The following NDUFA10 variants were observed in gnomAD, a reference collection of about 807,000 sequenced individuals.
NDUFA10 encodes NADH:ubiquinone oxidoreductase subunit A10.
In NDUFA10, 40 loss-of-function variants were observed where a neutral mutation model predicts 47.8. That is an observed-to-expected ratio of 0.84 (90% CI 0.65 to 1.09). The LOEUF (loss-of-function observed/expected upper bound fraction) is 1.09, where lower values mean the gene tolerates loss of function less well. NDUFA10 is among the 50% of genes least tolerant of loss of function. The pLI, the probability that NDUFA10 is intolerant of heterozygous loss-of-function variation, is 0.00. For missense variants in NDUFA10, 413 were observed against 451.1 expected, an observed-to-expected ratio of 0.92 and a Z score of 0.76; for synonymous variants, 183 against 172.2, an observed-to-expected ratio of 1.06 and a Z score of -0.49.
chr2:240,001,251 A>C (rs1001109069), intron 8 of NDUFA10, among the ~76,000 whole-genome samples: 1 of 152,282 alleles, frequency 6.6e-6, no homozygotes, highest in Non-Finnish European at 1.5e-5. Flanking sequence ...GATCAGAAAA[A>C]TACTACTTAA....
In NDUFA10 at chr2:239,961,224, GTGAA is replaced by G. The variant is rs1694841904; in HGVS notation, c.1000-42_1000-39del. 1.4e-5 allele frequency: 22 copies of G among 1,613,786 alleles called. No individual in the cohort carries two copies. In the East Asian group the frequency reaches 4.9e-4, roughly 36 times the overall value. ...AAGGCATTGGTGCATTCTGTTTAAC[GTGAA>G]TGAATGTTTCCCCAGCTCATAGTTC... On this transcript the variant is annotated intron_variant, in intron 9 of 9. Transcript: ENST00000252711.
At chr2:240,014,598 C>A in intron 5 of NDUFA10, 141 bp downstream of exon 5, 1 of 1,364,862 alleles carries the variant, frequency 7.3e-7, no homozygotes, top group Non-Finnish European at 1.0e-6. Flanking sequence ...CAGATGCCCT[C>A]TCTCAAGTGG....
intron 1 of NDUFA10, among the ~76,000 whole-genome samples, chr2:240,024,754 T>C (rs949620546): frequency 6.6e-6 from 1 of 152,100 alleles, no homozygotes; most frequent in Non-Finnish European, 1.5e-5. Context: ...GGGGGCAAAA[T>C]GCTAAGAAAT....
At chr2:239,910,100 C>T (rs1025906027) in intron 4 of NDUFA10, among the ~76,000 whole-genome samples, 2 of 152,144 alleles carry the variant, frequency 1.3e-5, no homozygotes, top group African/African-American at 4.8e-5. Context: ...AAAAGGAATG[C>T]TTTGACACTG....
intron 4 of NDUFA10, among the ~76,000 whole-genome samples, chr2:239,916,254 A>G (rs1400977891): frequency 1.3e-5 from 2 of 150,248 alleles, no homozygotes; most frequent in Non-Finnish European, 3.0e-5. Context: ...ACAGAGATAC[A>G]CACACACACA....
At chr2:239,903,183 C>G (rs949157984) in intron 4 of NDUFA10, among the ~76,000 whole-genome samples, 1 of 152,170 alleles carries the variant, frequency 6.6e-6, no homozygotes, top group African/African-American at 2.4e-5. Context: ...CACAGGGCAG[C>G]TGGTGAGACG....
chr2:239,993,755 C>T (rs773433536), intron 8 of NDUFA10, among the ~76,000 whole-genome samples: 68 of 152,126 alleles, frequency 4.5e-4, no homozygotes, highest in Non-Finnish European at 7.2e-4. Context: ...AGAGAAGTCA[C>T]TGAAAGTGGC....
rs779305936 is a variant in NDUFA10 at position 240,005,266 on chromosome 2, G to T, written c.834C>A (p.Phe278Leu). The T allele has an allele frequency of 3.7e-6, 6 of 1,613,980 alleles. No homozygotes were observed. Among genetic ancestry groups the T allele is most frequent in the Middle Eastern group, 1.6e-4 (1 of 6,062 alleles). The change falls in exon 8 of 10, where the codon TTC (phenylalanine) becomes TTA (leucine). Residue 278 changes from phenylalanine (F) to leucine (L), a missense_variant. Transcript: ENST00000252711. ...CCTGCTTGAGCCACGGCCCTTTATCGAACTTCAGGTATTCAATGTCCTCTA... is the reference window on the plus strand; with the variant it reads ...CCTGCTTGAGCCACGGCCCTTTATCTAACTTCAGGTATTCAATGTCCTCTA... ...KVVEDIEYLK[F>L]DKGPWLKQDN...
intron 4 of NDUFA10, among the ~76,000 whole-genome samples, chr2:239,903,123 T>G (rs1693583060): frequency 6.6e-6 from 1 of 152,116 alleles, no homozygotes; most frequent in African/African-American, 2.4e-5. Context: ...CTCTGCTTGG[T>G]GAGGTCACCC....
Position 239,945,210 on chromosome 2 carries a change from C to T in NDUFA10, c.294+44864G>A, listed in dbSNP as rs7598688. ...AATGACAAGCCACTTCTCAGGTCAC[C>T]GGCAGGCGTTGAGCAGGCCGCTCTG... On this transcript the variant is annotated intron_variant, in intron 4 of 5. Transcript: ENST00000419408. The surrounding 1 kb of genome is among the most constrained non-coding windows in gnomAD (Gnocchi z 4.6). Among the ~76,000 whole-genome samples the T allele has an allele frequency of 3.9e-5, 6 of 152,172 alleles. No homozygotes were observed. The highest frequency in any genetic ancestry group is 1.2e-4 in the African/African-American group (5 of 41,424).
chr2:239,963,617 T>C (rs917610169), intron 9 of NDUFA10, among the ~76,000 whole-genome samples: 4 of 152,238 alleles, frequency 2.6e-5, no homozygotes, highest in African/African-American at 9.6e-5. Flanking sequence ...GTGTCCGGTC[T>C]GCTTATAGAA....
chr2:239,962,781 C>A (rs1224329889), intron 9 of NDUFA10, among the ~76,000 whole-genome samples: 1 of 152,124 alleles, frequency 6.6e-6, no homozygotes, highest in Non-Finnish European at 1.5e-5. Context: ...AAAGCAGGGG[C>A]AGGTACGCCA....
At chr2:239,930,210 CCCCTGCTCCTCAGCCAG>C in intron 4 of NDUFA10, among the ~76,000 whole-genome samples, 1 of 151,496 alleles carries the variant, frequency 6.6e-6, no homozygotes, top group South Asian at 2.1e-4. Flanking sequence ...TTCTCCACTG[CCCCTGCTCCTCAGCCAG>C]CCCTGCTTCT....
intron 4 of NDUFA10, among the ~76,000 whole-genome samples, chr2:239,942,035 T>C (rs1199600372): frequency 2.0e-5 from 3 of 152,254 alleles, no homozygotes; most frequent in East Asian, 3.8e-4. Flanking sequence ...ATTCTGCATA[T>C]TGAAAGATCA....
intron 5 of NDUFA10, chr2:240,014,251 G>A (rs916401741): frequency 3.4e-5 from 7 of 204,470 alleles, no homozygotes; most frequent in African/African-American, 1.6e-4. Flanking sequence ...AAGAGTAAAT[G>A]GATGTGTGTG....
chr2:239,916,089 TACAC>T (rs746294750), intron 4 of NDUFA10, among the ~76,000 whole-genome samples: 2 of 127,638 alleles, frequency 1.6e-5, no homozygotes, highest in African/African-American at 3.1e-5. Flanking sequence ...AAGATACAGA[TACAC>T]ACAGAGAGAC....
At chr2:239,993,386 G>A (rs775420761) in intron 8 of NDUFA10, among the ~76,000 whole-genome samples, 2 of 152,174 alleles carry the variant, frequency 1.3e-5, no homozygotes, top group Non-Finnish European at 2.9e-5. Context: ...TTAAGGGAAG[G>A]TGTCAGGGAG....
At chr2:239,947,069 A>G (rs116199807) in intron 4 of NDUFA10, among the ~76,000 whole-genome samples, 3,206 of 152,318 alleles carry the variant, frequency 0.021, 119 homozygotes, top group African/African-American at 0.073. Context: ...CCCGGTGCTC[A>G]GCAGGTAGTG....
chr2:239,912,300 G>A (rs556476856), intron 4 of NDUFA10, among the ~76,000 whole-genome samples: 10 of 152,272 alleles, frequency 6.6e-5, no homozygotes, highest in Admixed American at 1.3e-4. Flanking sequence ...TGGGCAGAAC[G>A]CTTGGGAGAG....
Sources: allele counts gnomAD v4.1 joint callset (sites outside exome capture counted in the v4.1 genomes callset), GRCh38; gene constraint gnomAD v4.1.1; non-coding constraint Gnocchi (gnomAD v3.1); transcripts MANE v1.5; gene names NCBI Gene and HGNC (gene_info 2026-07-23, HGNC 2026-07-21).